LARS2: variants seen among roughly 807,000 people sequenced by gnomAD.
LARS2 encodes leucyl-tRNA synthetase 2, mitochondrial.
In LARS2, 81 loss-of-function variants were observed where a neutral mutation model predicts 116.6. The ratio of observed to expected loss-of-function variants is 0.69; its 90% CI spans 0.58 to 0.84. The LOEUF (loss-of-function observed/expected upper bound fraction) is 0.84. Ranked by LOEUF, LARS2 falls within the 40% of genes least tolerant of loss-of-function variation. The probability of loss-of-function intolerance (pLI) is 0.00; values close to 1 mark genes in which losing one functional copy is unlikely to be tolerated. For synonymous variants in LARS2, 396 were observed against 407.2 expected (o/e 0.97, Z 0.33); for missense variants, 968 against 1,114.5 (o/e 0.87, Z 1.87).
Position 45,516,174 on chromosome 3 carries a change from G to A in LARS2, c.1942G>A (p.Val648Met), listed in dbSNP as rs745709728. 6.8e-6 allele frequency: 11 copies of A among 1,614,158 alleles called. No individual in the cohort carries two copies. The highest frequency in any genetic ancestry group is 2.2e-5 in the East Asian group (1 of 44,890). The change falls in exon 17 of 22, where the codon GTG (valine) becomes ATG (methionine). Residue 648 changes from valine (V) to methionine (M), a missense_variant. Coordinates refer to ENST00000645846, the MANE Select transcript of LARS2 (RefSeq NM_015340.4). The stretch of plus-strand genomic sequence containing the variant: ...GATGAGTAAGTCCAAACACAACGGG[G>A]TGGACCCAGAGGAAGTTGTGGAGCA... ...EKMSKSKHNG[V>M]DPEEVVEQYG... is the part of the protein sequence containing the mutation.
intron 19 of LARS2, among the ~76,000 whole-genome samples, chr3:45,522,444 C>T (rs1324536742): frequency 6.6e-6 from 1 of 151,908 alleles, no homozygotes; most frequent in Non-Finnish European, 1.5e-5. Context: ...AAACACATGA[C>T]ACAAGGCCAG....
At chr3:45,523,917 C>A in intron 19 of LARS2, 80 bp from the exon 20 acceptor site, 1 of 1,041,414 alleles carries the variant, frequency 9.6e-7, no homozygotes, top group Non-Finnish European at 1.5e-6. Flanking sequence ...TGTCTCTGGA[C>A]TTCAGATACA....
At chr3:45,458,544 G>A (rs1699253220) in intron 7 of LARS2, among the ~76,000 whole-genome samples, 199 bp from the exon 8 acceptor site, 1 of 152,156 alleles carries the variant, frequency 6.6e-6, no homozygotes, top group Non-Finnish European at 1.5e-5. Context: ...TACAAAATTA[G>A]TCAGGTGTGG....
intron 8 of LARS2, among the ~76,000 whole-genome samples, chr3:45,460,475 G>T (rs1699297607): frequency 6.6e-6 from 1 of 152,208 alleles, no homozygotes; most frequent in African/African-American, 2.4e-5. Flanking sequence ...AGTTGAAAAT[G>T]TAATAACCTA....
Position 45,516,730 on chromosome 3 carries a change from G to A in LARS2, c.2044+454G>A, listed in dbSNP as rs1405943363. Among the ~76,000 whole-genome samples the A allele has an allele frequency of 2.0e-5, 3 of 152,180 alleles. No homozygotes were observed. The East Asian group carries it at 5.8e-4, about 29-fold the overall frequency. On this transcript the variant is annotated intron_variant, in intron 17 of 21. Transcript: ENST00000645846. ...ACCCTGCAAGGTTTTTTCTAGAACA[G>A]TGTCATTCTCCCTCACCAATCCAGA...
chr3:45,540,020 C>G (rs1458254649), intron 20 of LARS2, among the ~76,000 whole-genome samples: 1 of 152,038 alleles, frequency 6.6e-6, no homozygotes, highest in Non-Finnish European at 1.5e-5. Flanking sequence ...CCTGTAATCC[C>G]AGTGCTTCGG....
rs529550527 is a variant in LARS2, at chr3:45,472,866, A to G, written c.751-1377A>G. The stretch of plus-strand genomic sequence containing the variant: ...TACTTGACTTGTGCTGTTGATGTGA[A>G]GATTAAATGAGGCAACATACATAAA... On this transcript the variant is annotated intron_variant, in intron 8 of 21. Transcript: ENST00000645846. Among the ~76,000 whole-genome samples, 4 of 152,292 alleles carry G rather than the reference A, an allele frequency of 2.6e-5. No individual in the cohort carries two copies. The East Asian group carries it at 7.7e-4, about 29-fold the overall frequency.
intron 20 of LARS2, among the ~76,000 whole-genome samples, chr3:45,535,774 A>ACC (rs71095040): frequency 1.3e-3 from 105 of 82,326 alleles, no homozygotes; most frequent in African/African-American, 3.7e-3. Flanking sequence ...ACACCCCCAC[A>ACC]CCCACATACA....
At position 45,388,699 on chromosome 3, in the gene LARS2, C is replaced by G. The variant is rs1306895149; in HGVS notation, c.-88+19C>G. ...TGAGCAGGTAAACCCCCGGACCGGG[C>G]GCAGCGAGATGAGAGACGAGGCCCA... is the stretch of plus-strand genomic sequence containing the variant. On this transcript the variant is annotated intron_variant, in intron 1 of 21. Transcript: ENST00000645846. The G allele has an allele frequency of 6.6e-6, 1 of 152,372 alleles. No homozygotes were observed. The highest frequency in any genetic ancestry group is 1.5e-5 in the Non-Finnish European group (1 of 68,170). The allele number at this position is 152,372 out of a possible 1,614,324, so 9.4% of individuals were successfully genotyped here.
At chr3:45,490,324 AC>A (rs1168109588) in intron 12 of LARS2, among the ~76,000 whole-genome samples, 1 of 152,240 alleles carries the variant, frequency 6.6e-6, no homozygotes, top group Non-Finnish European at 1.5e-5. Context: ...ACTCTTTAGT[AC>A]AGTACTCTGA....
chr3:45,408,120 T>A (rs1341939943), intron 4 of LARS2, among the ~76,000 whole-genome samples: 2 of 152,240 alleles, frequency 1.3e-5, no homozygotes, highest in Non-Finnish European at 2.9e-5. Flanking sequence ...GTTATATGCC[T>A]TTAGAGCCTT....
chr3:45,511,030 C>G (rs776488241), intron 15 of LARS2, among the ~76,000 whole-genome samples: 13 of 152,166 alleles, frequency 8.5e-5, no homozygotes, highest in Non-Finnish European at 1.6e-4. Flanking sequence ...GAGACTCGTT[C>G]TGAGCACCAG....
intron 10 of LARS2, among the ~76,000 whole-genome samples, chr3:45,485,367 G>A (rs1342030989): frequency 6.6e-6 from 1 of 152,158 alleles, no homozygotes; most frequent in Non-Finnish European, 1.5e-5. Context: ...GATGGACTTT[G>A]TGTTTCTCAT....
Position 45,394,573 on chromosome 3 carries a change from C to T in LARS2, c.120C>T (p.Ile40=). The change falls in exon 3 of 22, where the codon ATC becomes ATT. Residue 40 remains isoleucine, a synonymous_variant. Transcript: ENST00000645846. ...TAATTCCCGGATGTACCAGAAGCAT[C>T]TACAGTGCCACGGGAAAGTGGACAA... is the stretch of plus-strand genomic sequence containing the variant. The part of the protein sequence containing the change: ...RRVIPGCTRS[I]YSATGKWTKE... 1 of 1,614,028 alleles carries T rather than the reference C, an allele frequency of 6.2e-7. No homozygotes were observed.
intron 6 of LARS2, among the ~76,000 whole-genome samples, chr3:45,444,001 C>T (rs942890253): frequency 7.9e-6 from 1 of 127,172 alleles, no homozygotes; most frequent in Non-Finnish European, 1.7e-5. Flanking sequence ...CTAGATCTAT[C>T]CTCTTTTTTT....
intron 14 of LARS2, 146 bp downstream of exon 14, chr3:45,496,519 A>G: frequency 2.9e-6 from 2 of 695,340 alleles, no homozygotes; most frequent in South Asian, 3.4e-5. Context: ...GAGTGGGCAG[A>G]GAGTGCTCTT....
At chr3:45,427,830 T>TTC (rs1698622428) in intron 6 of LARS2, among the ~76,000 whole-genome samples, 1 of 151,478 alleles carries the variant, frequency 6.6e-6, no homozygotes, top group Non-Finnish European at 1.5e-5. Context: ...TTTTTCTTTT[T>TTC]TTTTTTTTGA....
chr3:45,458,176 A>G (rs888263099), intron 7 of LARS2, among the ~76,000 whole-genome samples: 2 of 152,256 alleles, frequency 1.3e-5, no homozygotes, highest in Middle Eastern at 3.4e-3. Context: ...TTTCCATCCT[A>G]TAAGTTCATC....
intron 14 of LARS2, among the ~76,000 whole-genome samples, chr3:45,500,036 C>G (rs1381789038): frequency 6.6e-6 from 1 of 152,100 alleles, no homozygotes; most frequent in African/African-American, 2.4e-5. Flanking sequence ...GAGTCTCACC[C>G]TGTTGCCCAG....
Sources: gnomAD v4.1 joint callset for allele counts (sites outside exome capture counted in the v4.1 genomes callset) on GRCh38, gnomAD v4.1.1 for gene constraint, MANE v1.5 for transcripts, NCBI Gene and HGNC (gene_info 2026-07-23, HGNC 2026-07-21) for gene names.